GALNT18: variants seen among roughly 807,000 people sequenced by gnomAD.
GALNT18 encodes polypeptide N-acetylgalactosaminyltransferase 18, also known as GalNAc-transferase 18.
Under a neutral mutation model 69.5 loss-of-function variants are expected in GALNT18, and 44 were observed. That is an observed-to-expected ratio of 0.63 (90% confidence interval 0.50 to 0.81). The LOEUF (loss-of-function observed/expected upper bound fraction) is 0.81. GALNT18 is among the 40% of genes least tolerant of loss of function. GALNT18 has a pLI of 0.00. For synonymous variants in GALNT18, 364 were observed against 318.2 expected, an observed-to-expected ratio of 1.14 and a Z score of -1.53; for missense variants, 715 against 810.0, an observed-to-expected ratio of 0.88 and a Z score of 1.42.
intron 1 of GALNT18, among the ~76,000 whole-genome samples, chr11:11,503,601 C>G (rs1857014504): frequency 6.6e-6 from 1 of 152,188 alleles, no homozygotes; most frequent in African/African-American, 2.4e-5. Flanking sequence ...ATAAAGTAAG[C>G]TCCCAAGAAG....
chr11:11,275,979 TTTG>T (rs1372399845), intron 10 of GALNT18, among the ~76,000 whole-genome samples: 3 of 152,236 alleles, frequency 2.0e-5, no homozygotes, highest in African/African-American at 2.4e-5. Context: ...TGCATCCAGC[TTTG>T]TTATTTTTCT....
intron 1 of GALNT18, among the ~76,000 whole-genome samples, chr11:11,533,103 GC>G (rs2133944720): frequency 6.6e-6 from 1 of 152,118 alleles, no homozygotes; most frequent in East Asian, 1.9e-4. Context: ...TTACTCCCCA[GC>G]CCTTAGGTAA....
rs1197548336 is a variant in GALNT18 at position 11,573,988 on chromosome 11, G to A, written c.235+47371C>T. Among the ~76,000 whole-genome samples the A allele has an allele frequency of 1.3e-5, 2 of 152,150 alleles. No individual in the cohort carries two copies. Among genetic ancestry groups the A allele is most frequent in the Non-Finnish European group, 2.9e-5 (2 of 68,038 alleles). On this transcript the variant is annotated intron_variant, in intron 1 of 10. Coordinates refer to ENST00000227756, the MANE Select transcript of GALNT18 (RefSeq NM_198516.3). This position sits in a 1 kb window ranked among gnomAD's most constrained non-coding sequence, Gnocchi z 4.6. Reference sequence around the variant, plus strand: ...CTGCCCAAGGTCACCTAACTACTCTGAGAAAGAGCTGACATTCAAATCTAG... The same window carrying A: ...CTGCCCAAGGTCACCTAACTACTCTAAGAAAGAGCTGACATTCAAATCTAG...
At position 11,454,304 on chromosome 11, in the gene GALNT18, A is replaced by G. The variant is rs547839696; in HGVS notation, c.236-5368T>C. Among the ~76,000 whole-genome samples, 47 of 152,330 alleles carry G rather than the reference A, an allele frequency of 3.1e-4. No individual in the cohort carries two copies. The South Asian group carries it at 9.5e-3, about 31-fold the overall frequency. On this transcript the variant is annotated intron_variant, in intron 1 of 10. Coordinates refer to ENST00000227756, the MANE Select transcript of GALNT18 (RefSeq NM_198516.3). The surrounding 1 kb of genome is among the most constrained non-coding windows in gnomAD (Gnocchi z 4.2). ...CGGCATGTTTAAGAGCTTCTCAGGT[A>G]GTTCCACAAAATACGGTCAGTGGTA...
rs938406543 is a variant in GALNT18 at position 11,531,114 on chromosome 11, T to G, written c.236-82178A>C. 2.6e-5 allele frequency among the ~76,000 whole-genome samples: 4 copies of G among 152,130 alleles called. No individual in the cohort carries two copies. In the East Asian group the frequency reaches 7.7e-4, roughly 29 times the overall value. Reference sequence around the variant, plus strand: ...CCTCCTCCTGAGTGTGCTGCTGTAGTAGAAAGAGAAAGACACTACACGAGG... The same window carrying G: ...CCTCCTCCTGAGTGTGCTGCTGTAGGAGAAAGAGAAAGACACTACACGAGG... On this transcript the variant is annotated intron_variant, in intron 1 of 10. Transcript: ENST00000227756.
intron 1 of GALNT18, among the ~76,000 whole-genome samples, chr11:11,478,916 GGCATCTCCCGCGGAGGT>G (rs1564969767): frequency 0.053 from 431 of 8,086 alleles, 1 homozygote; most frequent in African/African-American, 0.074. Flanking sequence ...GCGGCATCTC[GGCATCTCCCGCGGAGGT>G]GGCATCTCCC....
chr11:11,501,137 A>G (rs1856965271), intron 1 of GALNT18, among the ~76,000 whole-genome samples: 1 of 152,250 alleles, frequency 6.6e-6, no homozygotes, highest in South Asian at 2.1e-4. Context: ...CCCAGACTTG[A>G]CAGCAATCCC....
chr11:11,552,226 C>CAAA (rs1423117129), intron 1 of GALNT18, among the ~76,000 whole-genome samples: 2 of 152,222 alleles, frequency 1.3e-5, no homozygotes, highest in Non-Finnish European at 2.9e-5. Flanking sequence ...ATGAGCCATG[C>CAAA]ATGTGAGAAT....
In GALNT18 at chr11:11,541,585, C is replaced by G. The variant is rs755299883; in HGVS notation, c.235+79774G>C. Among the ~76,000 whole-genome samples the G allele has an allele frequency of 5.3e-5, 8 of 152,180 alleles. No individual in the cohort carries two copies. Among genetic ancestry groups the G allele is most frequent in the Non-Finnish European group, 1.0e-4 (7 of 68,036 alleles). On this transcript the variant is annotated intron_variant, in intron 1 of 10. Coordinates refer to ENST00000227756, the MANE Select transcript of GALNT18 (RefSeq NM_198516.3). The surrounding 1 kb of genome is among the most constrained non-coding windows in gnomAD (Gnocchi z 4.8). ...CATTAGTCTGACATATAAAGCCTTC[C>G]TGGGCTGGCACCCCAGCCCCACCCA... is the stretch of plus-strand genomic sequence containing the variant.
At chr11:11,524,959 T>A (rs1857485919) in intron 1 of GALNT18, among the ~76,000 whole-genome samples, 1 of 152,210 alleles carries the variant, frequency 6.6e-6, no homozygotes, top group African/African-American at 2.4e-5. Context: ...AGATTCTGTC[T>A]GGGGTTTCCA....
rs1854917744 is a variant in GALNT18 at position 11,418,472 on chromosome 11, T to C, written c.595+14149A>G. Among the ~76,000 whole-genome samples, 2 of 152,204 alleles carry C rather than the reference T, an allele frequency of 1.3e-5. 1 individual carries two copies. The highest frequency in any genetic ancestry group is 4.2e-4 in the South Asian group (2 of 4,818). On this transcript the variant is annotated intron_variant, in intron 3 of 10. Transcript: ENST00000227756. ...GTCTTTTTCCATCATCATCTCCATT[T>C]ACCCAAATCCATTCAATCACCAAGG...
rs747040751 is a variant in GALNT18 at position 11,579,041 on chromosome 11, C to T, written c.235+42318G>A. On this transcript the variant is annotated intron_variant, in intron 1 of 10. Transcript: ENST00000227756. ...CATCACAGGGCAGCCAGGGAAAAAA[C>T]AAAGACAGCCAAGAGGGCGGCTCGG... Among the ~76,000 whole-genome samples, 55 of 152,316 alleles carry T rather than the reference C, an allele frequency of 3.6e-4. 1 individual carries two copies. Among genetic ancestry groups the T allele is most frequent in the Non-Finnish European group, 3.2e-4 (22 of 68,026 alleles).
intron 8 of GALNT18, among the ~76,000 whole-genome samples, chr11:11,331,816 T>C (rs1279292537): frequency 6.6e-6 from 1 of 152,160 alleles, no homozygotes; most frequent in Non-Finnish European, 1.5e-5. Flanking sequence ...TTTATGTGTT[T>C]AGACTGTAAG....
intron 1 of GALNT18, among the ~76,000 whole-genome samples, chr11:11,554,805 G>A (rs1362181735): frequency 6.6e-6 from 1 of 152,148 alleles, no homozygotes; most frequent in African/African-American, 2.4e-5. Flanking sequence ...CTTATGGAAA[G>A]TGTCAGGGGA....
chr11:11,559,866 T>C (rs1286143820), intron 1 of GALNT18, among the ~76,000 whole-genome samples: 1 of 137,982 alleles, frequency 7.2e-6, no homozygotes, highest in Non-Finnish European at 1.6e-5. Context: ...AATGATATGA[T>C]GGGATGGTGT....
intron 8 of GALNT18, among the ~76,000 whole-genome samples, chr11:11,329,097 C>CCTT (rs10638275): frequency 0.91 from 138,217 of 152,008 alleles, 63,245 homozygotes; most frequent in East Asian, 0.99. Flanking sequence ...CAATGTAACT[C>CCTT]CTTGTTTGTT....
Position 11,621,033 on chromosome 11 carries a change from G to C in GALNT18, c.235+326C>G, listed in dbSNP as rs979915470. On this transcript the variant is annotated intron_variant, in intron 1 of 10. Transcript: ENST00000227756. The surrounding 1 kb of genome is among the most constrained non-coding windows in gnomAD (Gnocchi z 9.3). ...CACACTCTGAGCCGGACTTGTGTGC[G>C]ATCCCGAGAGCCCGCGAGCAACCAG... Among the ~76,000 whole-genome samples, 1 of 152,130 alleles carries C rather than the reference G, an allele frequency of 6.6e-6. No individual in the cohort carries two copies. The highest frequency in any genetic ancestry group is 1.5e-5 in the Non-Finnish European group (1 of 68,032).
chr11:11,381,260 A>G (rs1484266265), intron 3 of GALNT18, among the ~76,000 whole-genome samples: 3 of 152,206 alleles, frequency 2.0e-5, no homozygotes, highest in African/African-American at 4.8e-5. Context: ...AAATTTAAAT[A>G]GAGCTCATAA....
chr11:11,578,568 A>C (rs1858987572), intron 1 of GALNT18, among the ~76,000 whole-genome samples: 1 of 152,210 alleles, frequency 6.6e-6, no homozygotes, highest in East Asian at 1.9e-4. Flanking sequence ...CACCAGGTTG[A>C]ATGTATTGCT....
Sources: allele counts gnomAD v4.1 joint callset (sites outside exome capture counted in the v4.1 genomes callset), GRCh38; gene constraint gnomAD v4.1.1; non-coding constraint Gnocchi (gnomAD v3.1); transcripts MANE v1.5; gene names NCBI Gene and HGNC (gene_info 2026-07-23, HGNC 2026-07-21).